The following NOL4 variants were observed in gnomAD, a reference collection of about 807,000 sequenced individuals.
NOL4 encodes the protein nucleolar protein 4, also known as cancer/testis antigen 125.
NOL4 carries 17 observed loss-of-function variants against 75.9 expected under a neutral mutation model. The ratio of observed to expected loss-of-function variants is 0.22; its 90% CI spans 0.15 to 0.34. The LOEUF is 0.34. Ranked by LOEUF, NOL4 falls within the 10% of genes least tolerant of loss-of-function variation. NOL4 has a pLI of 1.00. For missense variants in NOL4, 614 were observed against 793.5 expected, an observed-to-expected ratio of 0.77 and a Z score of 2.72; for synonymous variants, 292 against 289.9, an observed-to-expected ratio of 1.01 and a Z score of -0.07.
intron 2 of NOL4, among the ~76,000 whole-genome samples, chr18:34,111,811 G>T (rs548222595): frequency 6.6e-6 from 1 of 152,066 alleles, no homozygotes; most frequent in Non-Finnish European, 1.5e-5. Flanking sequence ...TGTTAGGATC[G>T]CTATTATAAA....
intron 6 of NOL4, among the ~76,000 whole-genome samples, chr18:33,973,968 G>A (rs1402015190): frequency 1.3e-5 from 2 of 152,146 alleles, no homozygotes; most frequent in African/African-American, 4.8e-5. Context: ...AAGATAGTTA[G>A]CTTGTCCTTT....
intron 9 of NOL4, among the ~76,000 whole-genome samples, chr18:33,919,813 A>G (rs2066925399): frequency 6.6e-6 from 1 of 152,210 alleles, no homozygotes; most frequent in East Asian, 1.9e-4. Flanking sequence ...TGCCCTTTTA[A>G]ATCTATATTG....
rs193129792 is a variant in NOL4 at position 34,014,927 on chromosome 18, T to C, written c.1056+4391A>G. 2.4e-4 allele frequency among the ~76,000 whole-genome samples: 36 copies of C among 152,144 alleles called. 2 individuals carry two copies. Among genetic ancestry groups the C allele is most frequent in the Admixed American group, 2.2e-3 (34 of 15,250 alleles). Reference sequence around the variant, plus strand: ...TGCTTTATAATCATTTTTGTTTGATTTTATTCACAATAAAATTGTGAAACA... The same window carrying C: ...TGCTTTATAATCATTTTTGTTTGATCTTATTCACAATAAAATTGTGAAACA... On this transcript the variant is annotated intron_variant, in intron 6 of 10. Coordinates refer to ENST00000261592, the MANE Select transcript of NOL4 (RefSeq NM_003787.5).
intron 9 of NOL4, among the ~76,000 whole-genome samples, chr18:33,923,927 A>C (rs1158308752): frequency 1.3e-5 from 2 of 152,182 alleles, no homozygotes; most frequent in African/African-American, 4.8e-5. Flanking sequence ...ACTCTGGTGG[A>C]TGGTGCCACT....
chr18:33,906,606 G>A (rs995752407), intron 9 of NOL4, among the ~76,000 whole-genome samples: 9 of 152,056 alleles, frequency 5.9e-5, no homozygotes, highest in African/African-American at 9.7e-5. Flanking sequence ...TTGTATCTTC[G>A]GATAATTTGT....
intron 9 of NOL4, among the ~76,000 whole-genome samples, chr18:33,899,122 T>C (rs1179817291): frequency 6.6e-6 from 1 of 152,088 alleles, no homozygotes; most frequent in African/African-American, 2.4e-5. Flanking sequence ...CCTGAGGAGA[T>C]AAAGAGGGTG....
intron 5 of NOL4, among the ~76,000 whole-genome samples, chr18:34,087,817 GT>G (rs924606676): frequency 4.0e-5 from 6 of 151,708 alleles, no homozygotes; most frequent in African/African-American, 1.5e-4. Context: ...TATATCATAT[GT>G]GTCTTAGTGG....
At chr18:34,046,566 C>T (rs2076372410) in intron 5 of NOL4, among the ~76,000 whole-genome samples, 1 of 136,598 alleles carries the variant, frequency 7.3e-6, no homozygotes, top group Non-Finnish European at 1.5e-5. Context: ...AGTAAATTGG[C>T]TAAGTCCCTG....
intron 1 of NOL4, among the ~76,000 whole-genome samples, chr18:34,157,499 A>G (rs2030640262): frequency 1.3e-5 from 2 of 152,178 alleles, no homozygotes; most frequent in East Asian, 1.9e-4. Flanking sequence ...GTAGCTCAGA[A>G]AAAAGGTCTA....
chr18:33,910,926 T>C (rs1008376433), intron 9 of NOL4, among the ~76,000 whole-genome samples: 2 of 152,154 alleles, frequency 1.3e-5, no homozygotes, highest in Non-Finnish European at 2.9e-5. Flanking sequence ...TGGAGACTTC[T>C]TATTCCAATC....
intron 5 of NOL4, among the ~76,000 whole-genome samples, chr18:34,085,737 T>C (rs1013652022): frequency 6.6e-6 from 1 of 152,204 alleles, no homozygotes; most frequent in African/African-American, 2.4e-5. Flanking sequence ...ATTCCCTAGA[T>C]ATGCATTTTA....
At chr18:33,989,357 A>T (rs1410629171) in intron 6 of NOL4, among the ~76,000 whole-genome samples, 2 of 151,990 alleles carry the variant, frequency 1.3e-5, no homozygotes, top group African/African-American at 4.8e-5. Context: ...AGCTGAGTAA[A>T]AAAATACGAA....
chr18:34,194,614 G>A (rs556896693), intron 1 of NOL4, among the ~76,000 whole-genome samples: 2 of 152,176 alleles, frequency 1.3e-5, no homozygotes, highest in East Asian at 3.9e-4. Flanking sequence ...ATTTAAATAT[G>A]TTTACACATT....
chr18:34,051,617 T>C (rs2076628068), intron 5 of NOL4, among the ~76,000 whole-genome samples: 1 of 152,096 alleles, frequency 6.6e-6, no homozygotes, highest in Admixed American at 6.6e-5. Context: ...TACAAAGGCT[T>C]AGACCACTGT....
At position 34,222,615 on chromosome 18, in the gene NOL4, C is replaced by A. The variant is rs1356155799; in HGVS notation, c.264+375G>T. 5 of 297,190 alleles carry A rather than the reference C, an allele frequency of 1.7e-5. No individual in the cohort carries two copies. The South Asian group carries it at 3.9e-4, about 23-fold the overall frequency. The allele number at this position is 297,190 out of a possible 1,614,324, so 18.4% of individuals were successfully genotyped here. Reference sequence around the variant, plus strand: ...GGGCTTCCAGCCTGGCCTTTAGGCGCGGTGGCGGCGGTGGGACACGCGCCA... The same window carrying A: ...GGGCTTCCAGCCTGGCCTTTAGGCGAGGTGGCGGCGGTGGGACACGCGCCA... On this transcript the variant is annotated intron_variant, in intron 1 of 10. Transcript: ENST00000261592.
intron 3 of NOL4, among the ~76,000 whole-genome samples, chr18:34,104,670 A>T (rs542259849): frequency 1.3e-5 from 2 of 152,132 alleles, no homozygotes; most frequent in East Asian, 1.9e-4. Context: ...TTAATGTAAA[A>T]TTTTTTAGTA....
At chr18:33,876,803 A>G (rs1294669120) in intron 10 of NOL4, among the ~76,000 whole-genome samples, 1 of 152,054 alleles carries the variant, frequency 6.6e-6, no homozygotes, top group African/African-American at 2.4e-5. Flanking sequence ...TAAACAAACA[A>G]AAGTAAAAGA....
chr18:34,143,394 A>G (rs1252349918), intron 1 of NOL4, among the ~76,000 whole-genome samples: 1 of 152,194 alleles, frequency 6.6e-6, no homozygotes, highest in African/African-American at 2.4e-5. Context: ...GAATACTTTC[A>G]TTGATTTTTG....
intron 5 of NOL4, among the ~76,000 whole-genome samples, chr18:34,068,726 A>C (rs374089699): frequency 6.7e-4 from 102 of 152,318 alleles, no homozygotes; most frequent in African/African-American, 2.4e-3. Flanking sequence ...GCATCCTCAC[A>C]GTAATTGTAT....
Sources: allele counts gnomAD v4.1 joint callset (sites outside exome capture counted in the v4.1 genomes callset), GRCh38; gene constraint gnomAD v4.1.1; transcripts MANE v1.5; gene names NCBI Gene and HGNC (gene_info 2026-07-23, HGNC 2026-07-21).